Variants in STT3A observed in about 807,000 individuals in gnomAD.
STT3A encodes STT3 oligosaccharyltransferase complex catalytic subunit A, also known as dolichyl-diphosphooligosaccharide--protein glycosyltransferase subunit STT3A.
STT3A carries 34 observed loss-of-function variants against 89.2 expected under a neutral mutation model. The observed-to-expected ratio is 0.38, with a 90% confidence interval of 0.29 to 0.51. The LOEUF (loss-of-function observed/expected upper bound fraction) is 0.51. Ranked by LOEUF, STT3A falls within the 20% of genes least tolerant of loss-of-function variation. The pLI is 0.89. For synonymous variants in STT3A, 282 were observed against 310.3 expected (o/e 0.91, Z 0.96); for missense variants, 555 against 889.5 (o/e 0.62, Z 4.78).
chr11:125,605,221 T>C (rs1314005900), intron 6 of STT3A, among the ~76,000 whole-genome samples: 1 of 151,830 alleles, frequency 6.6e-6, no homozygotes, highest in Non-Finnish European at 1.5e-5. Flanking sequence ...TGGGACTTCA[T>C]TAGGCAGATA....
rs556433529 is a variant in STT3A, at chr11:125,597,287, A to T, written c.149+168A>T. On this transcript the variant is annotated intron_variant, in intron 3 of 17. Coordinates refer to ENST00000392708, the MANE Select transcript of STT3A (RefSeq NM_152713.5). ...CCAAAGGAGATAATTATCTCCTTTT[A>T]AGACGTATGTGTTGGAGTCCAGCAC... is the stretch of plus-strand genomic sequence containing the variant. Among the ~76,000 whole-genome samples, 49 of 152,128 alleles carry T rather than the reference A, an allele frequency of 3.2e-4. No individual in the cohort carries two copies. In the South Asian group the frequency reaches 0.01, roughly 32 times the overall value.
intron 11 of STT3A, among the ~76,000 whole-genome samples, chr11:125,611,953 C>T (rs980673278): frequency 3.5e-5 from 5 of 144,762 alleles, no homozygotes; most frequent in African/African-American, 1.3e-4. Context: ...TCCCGGCTCA[C>T]CACAACTGCC....
At chr11:125,618,236 C>T in intron 15 of STT3A, 137 bp from the exon 16 acceptor site, 1 of 795,520 alleles carries the variant, frequency 1.3e-6, no homozygotes, top group Non-Finnish European at 1.9e-6. Flanking sequence ...ATGTTGTCCT[C>T]ACTATTTTTA....
Position 125,612,686 on chromosome 11 carries a change from T to C in STT3A, c.1304T>C (p.Ile435Thr), listed in dbSNP as rs896331812. ...TCCACATACATGAAGAATCTGGACA[T>C]AAGTCGTCCAGACAAGAAGAGCAAG... ...VLSTYMKNLDISRPDKKSKKQ... is the reference protein window; with the variant it reads ...VLSTYMKNLDTSRPDKKSKKQ... Residue 435 changes from isoleucine (I) to threonine (T), a missense_variant, in exon 12 of 18, where the codon ATA becomes ACA. Around this residue, in one of 5 missense-constraint regions of STT3A, gnomAD observed 273 missense variants for 449.8 expected, o/e 0.61. Transcript: ENST00000392708. 6.2e-6 allele frequency: 10 copies of C among 1,614,024 alleles called. No homozygotes were observed. Among genetic ancestry groups the C allele is most frequent in the African/African-American group, 1.3e-5 (1 of 74,910 alleles).
chr11:125,606,918 A>G (rs1459576158), intron 8 of STT3A, among the ~76,000 whole-genome samples: 1 of 152,218 alleles, frequency 6.6e-6, no homozygotes, highest in Admixed American at 6.5e-5. Flanking sequence ...ATAATGTGGT[A>G]TGTTTGATTT....
chr11:125,595,218 C>T (rs1273570250), intron 1 of STT3A, among the ~76,000 whole-genome samples: 2 of 148,414 alleles, frequency 1.3e-5, no homozygotes, highest in Non-Finnish European at 3.0e-5. Context: ...ATTGTCCAGG[C>T]TGGAGTGCAG....
chr11:125,605,028 G>C (rs1038001739), intron 6 of STT3A, among the ~76,000 whole-genome samples: 3 of 152,142 alleles, frequency 2.0e-5, no homozygotes, highest in Non-Finnish European at 4.4e-5. Flanking sequence ...CTTGAGCCTG[G>C]GAGGTTGAGG....
At chr11:125,594,582 C>CAAAA (rs34558992) in intron 1 of STT3A, among the ~76,000 whole-genome samples, 20 of 92,266 alleles carry the variant, frequency 2.2e-4, no homozygotes, top group Admixed American at 3.8e-4. Flanking sequence ...GACTCCGTCT[C>CAAAA]AAAAAAAAAA....
At chr11:125,600,420 G>T (rs1327193953) in intron 3 of STT3A, among the ~76,000 whole-genome samples, 1 of 152,038 alleles carries the variant, frequency 6.6e-6, no homozygotes, top group Non-Finnish European at 1.5e-5. Context: ...GAGTGCAATG[G>T]CATGATCAGG....
At chr11:125,598,104 C>G (rs188443754) in intron 3 of STT3A, among the ~76,000 whole-genome samples, 1 of 152,158 alleles carries the variant, frequency 6.6e-6, no homozygotes, top group Admixed American at 6.6e-5. Context: ...CCCAGCTACT[C>G]TAGAGACTGA....
intron 17 of STT3A, among the ~76,000 whole-genome samples, chr11:125,620,475 A>T (rs945026220): frequency 6.6e-6 from 1 of 152,200 alleles, no homozygotes; most frequent in Non-Finnish European, 1.5e-5. Flanking sequence ...TCTCTGAAGA[A>T]CTTAAGGTAT....
intron 1 of STT3A, among the ~76,000 whole-genome samples, chr11:125,595,259 A>T (rs1217863784): frequency 6.6e-6 from 1 of 150,720 alleles, no homozygotes; most frequent in African/African-American, 2.4e-5. Context: ...GCAGCCTCCA[A>T]CTCCTGCCTC....
rs1286415312 is a variant in STT3A, at chr11:125,609,507, C to G, written c.1035C>G (p.Ile345Met). ...DPSYAKNNIP[I>M]IASVSEHQPT... ...CTTATGCTAAGAACAACATCCCCAT[C>G]ATTGCTTCTGTGTCTGAGCATCAGC... Residue 345 changes from isoleucine to methionine, a missense_variant, in exon 10 of 18, where the codon ATC becomes ATG. Ile to Met is a conservative substitution (Grantham distance 10). Transcript: ENST00000392708. 6.2e-7 allele frequency: 1 copy of G among 1,614,188 alleles called. No individual in the cohort carries two copies. Among genetic ancestry groups the G allele is most frequent in the Non-Finnish European group, 8.5e-7 (1 of 1,180,038 alleles).
intron 17 of STT3A, 101 bp from the exon 18 acceptor site, chr11:125,620,671 C>A: frequency 9.0e-7 from 1 of 1,106,368 alleles, no homozygotes; most frequent in Non-Finnish European, 1.4e-6. Context: ...GGCTGCAGAA[C>A]CCAACATAAT....
At position 125,602,879 on chromosome 11, in the gene STT3A, T is replaced by C. The variant is rs1302846131; in HGVS notation, c.348T>C (p.Cys116=). The change falls in exon 5 of 18, where the codon TGT becomes TGC. Residue 116 remains cysteine (C), a synonymous_variant. Transcript: ENST00000392708. ...TCACCATCGACATTCGGAATGTCTGTGTGTTCCTGGCCCCTCTCTTCTCCT... is the reference window on the plus strand; with the variant it reads ...TCACCATCGACATTCGGAATGTCTGCGTGTTCCTGGCCCCTCTCTTCTCCT... ...FHITIDIRNV[C]VFLAPLFSSF... The C allele has an allele frequency of 6.2e-7, 1 of 1,614,060 alleles. No individual in the cohort carries two copies. Among genetic ancestry groups the C allele is most frequent in the Non-Finnish European group, 8.5e-7 (1 of 1,180,042 alleles).
chr11:125,608,356 C>G, intron 9 of STT3A, 67 bp downstream of exon 9: 2 of 1,497,066 alleles, frequency 1.3e-6, no homozygotes, highest in Non-Finnish European at 1.8e-6. Context: ...CTCTTGTTGC[C>G]CAGGCCGGAG....
intron 11 of STT3A, among the ~76,000 whole-genome samples, chr11:125,611,946 C>T (rs369804377): frequency 6.5e-5 from 9 of 139,304 alleles, no homozygotes; most frequent in South Asian, 4.6e-4. Flanking sequence ...GGCGTGGTCC[C>T]GGCTCACCAC....
chr11:125,614,349 C>T lies in STT3A; in HGVS notation c.1697C>T (p.Ala566Val), dbSNP rs745358507. The part of the protein sequence containing the change: ...GQAMASTEEK[A>V]YEIMRELDVS... ...GCAATGGCGTCCACAGAGGAAAAAG[C>T]CTATGAGATCATGAGGGAGCTCGAT... Residue 566 changes from alanine (A) to valine (V), a missense_variant, in exon 15 of 18, where the codon GCC becomes GTC. Coordinates refer to ENST00000392708, the MANE Select transcript of STT3A (RefSeq NM_152713.5). This position sits in a 1 kb window ranked among gnomAD's most constrained non-coding sequence, Gnocchi z 4.9. The T allele has an allele frequency of 6.2e-7, 1 of 1,614,030 alleles. No homozygotes were observed. The highest frequency in any genetic ancestry group is 1.7e-5 in the Admixed American group (1 of 60,018).
chr11:125,602,155 C>A, intron 3 of STT3A, 148 bp from the exon 4 acceptor site: 2 of 916,398 alleles, frequency 2.2e-6, no homozygotes, highest in Non-Finnish European at 3.2e-6. Flanking sequence ...TAGAAGTAAA[C>A]AGACTTATGG....
Sources: allele counts gnomAD v4.1 joint callset (sites outside exome capture counted in the v4.1 genomes callset), GRCh38; gene constraint gnomAD v4.1.1; regional missense constraint gnomAD v4.1.1; non-coding constraint Gnocchi (gnomAD v3.1); transcripts MANE v1.5; gene names NCBI Gene and HGNC (gene_info 2026-07-23, HGNC 2026-07-21).